The following IMPG1 variants were observed in gnomAD, a reference collection of about 807,000 sequenced individuals.
IMPG1 encodes interphotoreceptor matrix proteoglycan of 150 kDa.
IMPG1 carries 85 observed loss-of-function variants against 92.0 expected under a neutral mutation model. The ratio of observed to expected loss-of-function variants is 0.92; its 90% CI spans 0.78 to 1.11. IMPG1 has a LOEUF of 1.11. Among genes scored for constraint, IMPG1 ranks in the 50% least tolerant of loss-of-function variants. The pLI is 0.00. For missense variants in IMPG1, 1,022 were observed against 956.0 expected (o/e 1.07, Z -0.91); for synonymous variants, 367 against 334.1 (o/e 1.10, Z -1.08).
chr6:76,066,739 C>A (rs1784316793), intron 1 of IMPG1, among the ~76,000 whole-genome samples: 2 of 152,054 alleles, frequency 1.3e-5, no homozygotes, highest in African/African-American at 4.8e-5. Flanking sequence ...TTAACAACTG[C>A]AGAATATACA....
chr6:76,009,712 G>C (rs1469598948), intron 8 of IMPG1, among the ~76,000 whole-genome samples: 1 of 152,184 alleles, frequency 6.6e-6, no homozygotes, highest in Non-Finnish European at 1.5e-5. Context: ...TAAAAATTCA[G>C]TGTCAAGAGA....
At chr6:75,923,523 T>A in intron 16 of IMPG1, 111 bp downstream of exon 16, 1 of 667,076 alleles carries the variant, frequency 1.5e-6, no homozygotes, top group Non-Finnish European at 2.6e-6. Flanking sequence ...AAATTAAAAA[T>A]AAAAAGTATC....
chr6:76,062,820 A>C (rs1396204602), intron 1 of IMPG1, among the ~76,000 whole-genome samples: 1 of 151,482 alleles, frequency 6.6e-6, no homozygotes, highest in Admixed American at 6.6e-5. Flanking sequence ...TAAGATACTT[A>C]TGAAATAAAA....
At chr6:76,027,898 C>A (rs1783578954) in intron 4 of IMPG1, among the ~76,000 whole-genome samples, 1 of 152,168 alleles carries the variant, frequency 6.6e-6, no homozygotes, top group South Asian at 2.1e-4. Context: ...AAAGGCTTCT[C>A]AAAATCAAAC....
chr6:75,949,080 T>C (rs1308333159), intron 13 of IMPG1, among the ~76,000 whole-genome samples: 1 of 152,178 alleles, frequency 6.6e-6, no homozygotes. Context: ...TATTCTTACC[T>C]CTTCATTATG....
chr6:76,034,213 C>T, intron 4 of IMPG1, 102 bp downstream of exon 4: 1 of 1,078,886 alleles, frequency 9.3e-7, no homozygotes, highest in Non-Finnish European at 1.4e-6. Flanking sequence ...CTCTTAGTGG[C>T]TGACATAAAA....
intron 8 of IMPG1, among the ~76,000 whole-genome samples, chr6:76,009,031 T>C (rs1209078887): frequency 1.3e-5 from 2 of 152,238 alleles, no homozygotes; most frequent in Admixed American, 1.3e-4. Flanking sequence ...TGCACCCATG[T>C]TGTTGTGTAT....
chr6:75,950,800 G>A lies in IMPG1; in HGVS notation c.1586C>T (p.Ala529Val). 2 of 1,613,934 alleles carry A rather than the reference G, an allele frequency of 1.2e-6. No homozygotes were observed. The highest frequency in any genetic ancestry group is 1.7e-6 in the Non-Finnish European group (2 of 1,179,906). Residue 529 changes from alanine to valine, a missense_variant, in exon 13 of 17, where the codon GCC becomes GTC. By Grantham distance (64) the Ala-to-Val change is moderately conservative. This residue lies in a region of IMPG1 where 332 missense variants were observed against 346.2 expected (regional missense o/e 0.96). Transcript: ENST00000369950. The part of the protein sequence containing the change: ...LDEMDLSDTP[A>V]PSEVPELSEY... ...GCTGAGCTCTGGTACCTCAGATGGGGCAGGAGTGTCAGACAGATCCATTTC... is the reference window on the plus strand; with the variant it reads ...GCTGAGCTCTGGTACCTCAGATGGGACAGGAGTGTCAGACAGATCCATTTC...
chr6:76,056,714 G>A (rs1356336899), intron 1 of IMPG1, among the ~76,000 whole-genome samples: 1 of 152,046 alleles, frequency 6.6e-6, no homozygotes, highest in Non-Finnish European at 1.5e-5. Context: ...TTTGATAATT[G>A]CCATCCTAAC....
chr6:75,999,842 C>A (rs1782959352), intron 12 of IMPG1, among the ~76,000 whole-genome samples: 1 of 152,202 alleles, frequency 6.6e-6, no homozygotes. Context: ...TTAGACAGCA[C>A]AGCTATTCCT....
chr6:75,987,640 C>T (rs1433720711), intron 12 of IMPG1, among the ~76,000 whole-genome samples: 2 of 142,278 alleles, frequency 1.4e-5, no homozygotes, highest in Non-Finnish European at 3.0e-5. Context: ...AGGACATGAA[C>T]TCATCACTTT....
intron 12 of IMPG1, among the ~76,000 whole-genome samples, chr6:75,980,250 TAAA>T (rs1023517651): frequency 2.0e-5 from 3 of 152,220 alleles, no homozygotes; most frequent in African/African-American, 7.2e-5. Context: ...TACTGTAAAT[TAAA>T]CTTTATGAAA....
In IMPG1 at chr6:76,042,017, T is replaced by G; in HGVS notation, c.177A>C (p.Arg59=). Reference sequence around the variant, plus strand: ...TTCGATGCTTTGCCAAATCGAATATTCGTCTCATAGTTGACATTTTGTACA... The same window carrying G: ...TTCGATGCTTTGCCAAATCGAATATGCGTCTCATAGTTGACATTTTGTACA... ...EKMYKMSTMR[R]IFDLAKHRTK... is the part of the protein sequence containing the mutation. The change falls in exon 2 of 17, where the codon CGA becomes CGC. Residue 59 remains arginine (R), a synonymous_variant. Transcript: ENST00000369950. 1 of 1,612,918 alleles carries G rather than the reference T, an allele frequency of 6.2e-7. No homozygotes were observed. Among genetic ancestry groups the G allele is most frequent in the East Asian group, 2.2e-5 (1 of 44,844 alleles).
intron 4 of IMPG1, among the ~76,000 whole-genome samples, chr6:76,033,118 A>T (rs1783679244): frequency 6.6e-6 from 1 of 152,192 alleles, no homozygotes; most frequent in Non-Finnish European, 1.5e-5. Context: ...TGGGGCCAGA[A>T]GGGGTGAGAG....
intron 1 of IMPG1, among the ~76,000 whole-genome samples, chr6:76,063,157 C>T (rs1394321911): frequency 6.6e-5 from 10 of 151,520 alleles, no homozygotes; most frequent in African/African-American, 9.7e-5. Context: ...TGAGCTGAGA[C>T]GGTGCCACTG....
intron 14 of IMPG1, among the ~76,000 whole-genome samples, chr6:75,940,471 A>G (rs1781820921): frequency 1.3e-5 from 2 of 152,180 alleles, no homozygotes; most frequent in South Asian, 4.1e-4. Flanking sequence ...TATTTTTCCT[A>G]AGTTTTTCCA....
At position 75,923,621 on chromosome 6, in the gene IMPG1, AG is replaced by A; in HGVS notation, c.2316+12del. On this transcript the variant is annotated intron_variant, in intron 16 of 16. Coordinates refer to ENST00000369950, the MANE Select transcript of IMPG1 (RefSeq NM_001563.4). Reference sequence around the variant, plus strand: ...TTTAGTAATTGCAACCAACTTAGAAAGTATGATTTTACCTTGTTATTTTGTT... The same window carrying A: ...TTTAGTAATTGCAACCAACTTAGAAATATGATTTTACCTTGTTATTTTGTT... The A allele has an allele frequency of 7.5e-7, 1 of 1,331,748 alleles. No homozygotes were observed. Among genetic ancestry groups the A allele is most frequent in the Non-Finnish European group, 1.1e-6 (1 of 926,426 alleles). 82.5% of individuals were successfully genotyped at this position (1,331,748 alleles called of 1,614,324 possible). A position where few individuals can be genotyped will look rare whatever the true frequency, so the allele number is the denominator to read the frequency against.
intron 14 of IMPG1, among the ~76,000 whole-genome samples, chr6:75,932,856 A>G (rs936706259): frequency 2.6e-5 from 4 of 151,974 alleles, no homozygotes; most frequent in African/African-American, 4.8e-5. Flanking sequence ...GCCCTTCACC[A>G]TGCCCAGCTA....
chr6:76,001,517 C>T (rs1348772843), intron 12 of IMPG1, among the ~76,000 whole-genome samples: 2 of 152,110 alleles, frequency 1.3e-5, no homozygotes, highest in East Asian at 1.9e-4. Flanking sequence ...TGTTTTTAGG[C>T]CCTTAAGATA....
Sources: gnomAD v4.1 joint callset for allele counts (sites outside exome capture counted in the v4.1 genomes callset) on GRCh38, gnomAD v4.1.1 for gene constraint, gnomAD v4.1.1 regional missense constraint, MANE v1.5 for transcripts, NCBI Gene and HGNC (gene_info 2026-07-23, HGNC 2026-07-21) for gene names.